CYP2W1: variants seen among roughly 807,000 people sequenced by gnomAD.
The protein encoded by CYP2W1 is cytochrome P450 family 2 subfamily W member 1, also known as cytochrome P450 2W1.
Under a neutral mutation model 44.9 loss-of-function variants are expected in CYP2W1, and 51 were observed. The observed-to-expected ratio is 1.14, with a 90% CI of 0.91 to 1.43. CYP2W1 has a LOEUF of 1.43. CYP2W1 is among the 40% of genes most tolerant of loss of function. The pLI, the probability that CYP2W1 is intolerant of heterozygous loss-of-function variation, is 0.00. For synonymous variants in CYP2W1, 383 were observed against 338.3 expected, an observed-to-expected ratio of 1.13 and a Z score of -1.45; for missense variants, 746 against 700.0, an observed-to-expected ratio of 1.07 and a Z score of -0.74.
intron 7 of CYP2W1, among the ~76,000 whole-genome samples, chr7:987,848 G>C (rs1250974970): frequency 7.1e-6 from 1 of 141,478 alleles, no homozygotes; most frequent in African/African-American, 3.0e-5. Context: ...CTGTATCCTG[G>C]GGGGGTCCCC....
chr7:985,604 G>GC (rs1562954065), intron 4 of CYP2W1, among the ~76,000 whole-genome samples: 2 of 152,164 alleles, frequency 1.3e-5, no homozygotes, highest in African/African-American at 4.8e-5. Context: ...TGGGAGGCAG[G>GC]CATGGCTTCC....
intron 1 of CYP2W1, among the ~76,000 whole-genome samples, chr7:983,628 G>T (rs1022786108): frequency 6.6e-6 from 1 of 152,202 alleles, no homozygotes. Flanking sequence ...CCCGGCGCGG[G>T]AGCAGGAGTC....
At chr7:986,576 A>C (rs767378036) in intron 4 of CYP2W1, 48 bp from the exon 5 acceptor site, 2 of 1,601,398 alleles carry the variant, frequency 1.2e-6, no homozygotes, top group Middle Eastern at 3.5e-4. Context: ...CCCAGCGTGC[A>C]GCCCTGGGGC....
chr7:983,859 G>C (rs1292163574), intron 1 of CYP2W1, among the ~76,000 whole-genome samples: 1 of 152,250 alleles, frequency 6.6e-6, no homozygotes, highest in Non-Finnish European at 1.5e-5. Flanking sequence ...GCTGAGGACA[G>C]AGGGTACGGG....
In CYP2W1 at chr7:987,153, G is replaced by C. The variant is rs1848418501; in HGVS notation, c.866G>C (p.Cys289Ser). 1 of 1,577,794 alleles carries C rather than the reference G, an allele frequency of 6.3e-7. No individual in the cohort carries two copies. The highest frequency in any genetic ancestry group is 1.4e-5 in the African/African-American group (1 of 73,904). Residue 289 changes from cysteine (C) to serine (S), a missense_variant, in exon 6 of 9, where the codon TGC becomes TCC. Cys to Ser is a moderately radical substitution (Grantham distance 112). Coordinates refer to ENST00000308919, the MANE Select transcript of CYP2W1 (RefSeq NM_017781.3). ...GLFAEANAVA[C>S]TLDMVMAGTE... ...TTTGCTGAGGCCAACGCGGTGGCCT[G>C]CACCCTGGACATGGTCATGGCCGGG...
chr7:985,944 G>C (rs952555756), intron 4 of CYP2W1, among the ~76,000 whole-genome samples: 1 of 152,120 alleles, frequency 6.6e-6, no homozygotes, highest in Non-Finnish European at 1.5e-5. Flanking sequence ...CGAGAGCAGG[G>C]GGCACAGCTT....
In CYP2W1 at chr7:987,548, C is replaced by A; in HGVS notation, c.1143+17C>A. Reference sequence around the variant, plus strand: ...CTCCCCAAGGTGGGGCTGGGCCTCCCTTGCCCCTTCCATCTCCTCTGGGGT... The same window carrying A: ...CTCCCCAAGGTGGGGCTGGGCCTCCATTGCCCCTTCCATCTCCTCTGGGGT... On this transcript the variant is annotated intron_variant, in intron 7 of 8. Transcript: ENST00000308919. The A allele has an allele frequency of 1.3e-6, 2 of 1,503,612 alleles. No individual in the cohort carries two copies. Among genetic ancestry groups the A allele is most frequent in the East Asian group, 5.0e-5 (2 of 40,276 alleles). The allele number at this position is 1,503,612 out of a possible 1,614,324, so 93.1% of individuals were successfully genotyped here. A position where few individuals can be genotyped will look rare whatever the true frequency, so the allele number is the denominator to read the frequency against.
chr7:984,511 CCCGGGCAGGAGCTGGCCGACCGGCCT>C lies in CYP2W1; in HGVS notation c.277_302del (p.Gly93HisfsTer44). 1 of 1,552,716 alleles carries C rather than the reference CCCGGGCAGGAGCTGGCCGACCGGCCT, an allele frequency of 6.4e-7. No homozygotes were observed. Reference sequence around the variant, plus strand: ...GGCGGTCAAAGAGGCGCTGGCGGGCCCCGGGCAGGAGCTGGCCGACCGGCCTCCCATCGCCATCTTCCAGCTCATCC... The same window carrying C: ...GGCGGTCAAAGAGGCGCTGGCGGGCCCCCATCGCCATCTTCCAGCTCATCC... On this transcript the variant is annotated frameshift_variant, in exon 2 of 9. Coordinates refer to ENST00000308919, the MANE Select transcript of CYP2W1 (RefSeq NM_017781.3). LOFTEE classifies it high-confidence loss of function.
chr7:984,862 T>A, intron 2 of CYP2W1, 88 bp from the exon 3 acceptor site: 1 of 1,486,470 alleles, frequency 6.7e-7, no homozygotes, highest in East Asian at 2.3e-5. Flanking sequence ...CTCGCTGCCC[T>A]GTCAGCCTGC....
In CYP2W1 at chr7:985,317, C is replaced by A; in HGVS notation, c.639C>A (p.Gly213=). ...TCATGGTCCTCTTGGGGTCCCCTGGCCTGCAGGTGAGGAGCTGCCTCCCAT... is the reference window on the plus strand; with the variant it reads ...TCATGGTCCTCTTGGGGTCCCCTGGACTGCAGGTGAGGAGCTGCCTCCCAT... ...DEVMVLLGSP[G]LQLFNVYPWL... The change falls in exon 4 of 9, where the codon GGC becomes GGA. Residue 213 remains glycine, a synonymous_variant. Coordinates refer to ENST00000308919, the MANE Select transcript of CYP2W1 (RefSeq NM_017781.3). 1.3e-6 allele frequency: 2 copies of A among 1,550,264 alleles called. No homozygotes were observed. The highest frequency in any genetic ancestry group is 1.7e-6 in the Non-Finnish European group (2 of 1,146,626).
At chr7:987,978 G>GGGGGGGTCCCCTCTGTGTGTCCT (rs144248265) in intron 7 of CYP2W1, among the ~76,000 whole-genome samples, 4 of 89,400 alleles carry the variant, frequency 4.5e-5, no homozygotes, top group African/African-American at 1.8e-4. Flanking sequence ...TGTGTGTCCT[G>GGGGGGGTCCCCTCTGTGTGTCCT]GGGGGGTCCC....
chr7:984,386 C>T (rs758099630), intron 1 of CYP2W1, 26 bp from the exon 2 acceptor site: 45 of 1,542,924 alleles, frequency 2.9e-5, no homozygotes, highest in Admixed American at 2.0e-4. Flanking sequence ...GAGGGCTGCC[C>T]GGGTGACCCC....
chr7:984,068 T>C (rs948083103), intron 1 of CYP2W1, among the ~76,000 whole-genome samples: 3 of 152,196 alleles, frequency 2.0e-5, no homozygotes, highest in African/African-American at 7.2e-5. Flanking sequence ...GCCCTCACTC[T>C]GTGCAGACTC....
chr7:987,606 G>C, intron 7 of CYP2W1, 75 bp downstream of exon 7: 3 of 1,361,558 alleles, frequency 2.2e-6, no homozygotes, highest in Non-Finnish European at 2.9e-6. Flanking sequence ...GCACTGGGAC[G>C]GCTGAGCGTC....
In CYP2W1 at chr7:985,317, C is replaced by T. The variant is rs1472806365; in HGVS notation, c.639C>T (p.Gly213=). ...TCATGGTCCTCTTGGGGTCCCCTGG[C>T]CTGCAGGTGAGGAGCTGCCTCCCAT... ...DEVMVLLGSP[G]LQLFNVYPWL... The change falls in exon 4 of 9, where the codon GGC becomes GGT. Residue 213 remains glycine (G), a synonymous_variant. Coordinates refer to ENST00000308919, the MANE Select transcript of CYP2W1 (RefSeq NM_017781.3). The T allele has an allele frequency of 3.2e-6, 5 of 1,550,146 alleles. No individual in the cohort carries two copies. Among genetic ancestry groups the T allele is most frequent in the Non-Finnish European group, 4.4e-6 (5 of 1,146,634 alleles).
At position 987,105 on chromosome 7, in the gene CYP2W1, A is replaced by C; in HGVS notation, c.820-2A>C. 1 of 1,541,482 alleles carries C rather than the reference A, an allele frequency of 6.5e-7. No individual in the cohort carries two copies. ...CACGAGCCCTGCCCCACGCCTCTGC[A>C]GGGGGATGACCCCGAGGGCCTGTTT... On this transcript the variant is annotated splice_acceptor_variant, in intron 5 of 8. Transcript: ENST00000308919. LOFTEE classifies it high-confidence loss of function.
Position 987,142 on chromosome 7 carries a change from C to G in CYP2W1, c.855C>G (p.Asn285Lys), listed in dbSNP as rs760375957. The G allele has an allele frequency of 2.5e-6, 4 of 1,573,268 alleles. No homozygotes were observed. In the African/African-American group the frequency reaches 4.1e-5, roughly 16 times the overall value. ...DDPEGLFAEA[N>K]AVACTLDMVM... is the part of the protein sequence containing the mutation. ...CCGAGGGCCTGTTTGCTGAGGCCAA[C>G]GCGGTGGCCTGCACCCTGGACATGG... Residue 285 changes from asparagine to lysine, a missense_variant, in exon 6 of 9, where the codon AAC becomes AAG. Coordinates refer to ENST00000308919, the MANE Select transcript of CYP2W1 (RefSeq NM_017781.3).
intron 2 of CYP2W1, among the ~76,000 whole-genome samples, 154 bp downstream of exon 2, chr7:984,728 G>A (rs1219067424): frequency 6.6e-6 from 1 of 152,216 alleles, no homozygotes; most frequent in Non-Finnish European, 1.5e-5. Context: ...AGAAGGGCCA[G>A]GTGTCCACAC....
intron 2 of CYP2W1, 75 bp from the exon 3 acceptor site, chr7:984,875 A>G: frequency 3.3e-6 from 5 of 1,508,056 alleles, no homozygotes; most frequent in Non-Finnish European, 4.4e-6. Context: ...CAGCCTGCTC[A>G]CTTCCTGCCC....
Sources: gnomAD v4.1 joint callset for allele counts (sites outside exome capture counted in the v4.1 genomes callset) on GRCh38, gnomAD v4.1.1 for gene constraint, MANE v1.5 for transcripts, NCBI Gene and HGNC (gene_info 2026-07-23, HGNC 2026-07-21) for gene names.